The following LCT variants were observed in gnomAD, a reference collection of about 807,000 sequenced individuals.
The protein encoded by LCT is lactase/phlorizin hydrolase.
A neutral mutation model predicts 173.0 loss-of-function variants in LCT; 90 were observed. The ratio of observed to expected loss-of-function variants is 0.52; its 90% CI spans 0.44 to 0.62. The LOEUF is 0.62. Among genes scored for constraint, LCT ranks in the 20% least tolerant of loss-of-function variants. The pLI, the probability that LCT is intolerant of heterozygous loss-of-function variation, is 0.00. For synonymous variants in LCT, 853 were observed against 957.6 expected, an observed-to-expected ratio of 0.89 and a Z score of 2.02; for missense variants, 1,864 against 2,431.4, an observed-to-expected ratio of 0.77 and a Z score of 4.91.
At chr2:135,824,148 A>G (rs1389563238) in intron 3 of LCT, 145 bp from the exon 4 acceptor site, 5 of 694,612 alleles carry the variant, frequency 7.2e-6, no homozygotes, top group Non-Finnish European at 1.3e-5. Flanking sequence ...TAAAGGAGTC[A>G]ACTCTAGACT....
chr2:135,810,627 T>G (rs897692856), intron 7 of LCT, among the ~76,000 whole-genome samples: 2 of 152,230 alleles, frequency 1.3e-5, no homozygotes, highest in Admixed American at 6.5e-5. Context: ...TTGCTTTTCC[T>G]TGTTTATGTT....
chr2:135,788,472 T>G lies in LCT; in HGVS notation c.5636A>C (p.Glu1879Ala), dbSNP rs953611158. 1 of 1,613,546 alleles carries G rather than the reference T, an allele frequency of 6.2e-7. No homozygotes were observed. Among genetic ancestry groups the G allele is most frequent in the Non-Finnish European group, 8.5e-7 (1 of 1,179,992 alleles). Reference protein sequence around the residue: ...QFLGLMLGTTEAQTALYVLFS... With the variant: ...QFLGLMLGTTAAQTALYVLFS... ...GAGAACGTACAAAGCTGTCTGTGCT[T>G]CTGTGGTGCCGAGCATTAGCCCCAG... is the stretch of plus-strand genomic sequence containing the variant. The change falls in exon 17 of 17, where the codon GAA becomes GCA. Residue 1879 changes from glutamate to alanine, a missense_variant. Glu to Ala is a moderately radical substitution (Grantham distance 107). Transcript: ENST00000264162.
Position 135,808,642 on chromosome 2 carries a change from C to T in LCT, c.3705G>A (p.Glu1235=), listed in dbSNP as rs769624786. 1.2e-6 allele frequency: 2 copies of T among 1,614,110 alleles called. No homozygotes were observed. The highest frequency in any genetic ancestry group is 2.7e-5 in the African/African-American group (2 of 74,946). The change falls in exon 8 of 17, where the codon GAG becomes GAA. Residue 1235 remains glutamate, a synonymous_variant. Transcript: ENST00000264162. The part of the protein sequence containing the change: ...SYEDDQEMAE[E]EDPSWPSTAM... ...CCGTGGAAGGCCACGAAGGGTCCTC[C>T]TCCTCAGCCATCTCCTGGTCGTCTT...
chr2:135,799,337 T>C (rs567585116), intron 12 of LCT, among the ~76,000 whole-genome samples: 32 of 152,088 alleles, frequency 2.1e-4, no homozygotes, highest in Middle Eastern at 6.8e-3. Flanking sequence ...TGATGCAAAA[T>C]GTAGGAGAGA....
chr2:135,812,910 T>C lies in LCT; in HGVS notation c.1754A>G (p.Tyr585Cys). The C allele has an allele frequency of 6.2e-7, 1 of 1,614,228 alleles. No individual in the cohort carries two copies. The highest frequency in any genetic ancestry group is 1.7e-5 in the Admixed American group (1 of 60,020). Reference protein sequence around the residue: ...LKAHARTWHHYNSHHRPQQQG... With the variant: ...LKAHARTWHHCNSHHRPQQQG... ...CTGCTGTGGGCGATGATGGCTGTTG[T>C]AGTGGTGCCAAGTTCTGGCATGAGC... The change falls in exon 7 of 17, where the codon TAC (tyrosine) becomes TGC (cysteine). Residue 585 changes from tyrosine (Y) to cysteine (C), a missense_variant. By Grantham distance (194) the Tyr-to-Cys change is radical. Transcript: ENST00000264162.
chr2:135,817,227 A>T (rs2077787204), intron 6 of LCT, 114 bp downstream of exon 6: 2 of 1,310,444 alleles, frequency 1.5e-6, no homozygotes, highest in African/African-American at 1.5e-5. Flanking sequence ...GATTTCCTTT[A>T]AAGAAAGAAC....
At chr2:135,829,528 T>A (rs542993802) in intron 3 of LCT, 65 bp downstream of exon 3, 1 of 1,182,884 alleles carries the variant, frequency 8.5e-7, no homozygotes, top group Non-Finnish European at 1.3e-6. Flanking sequence ...AAGCATTAAA[T>A]GTCTAATCTG....
chr2:135,817,402 G>A lies in LCT; in HGVS notation c.1646C>T (p.Ala549Val). The change falls in exon 6 of 17, where the codon GCA (alanine) becomes GTA (valine). Residue 549 changes from alanine to valine, a missense_variant. Physicochemically the swap from Ala to Val is moderately conservative, Grantham distance 64. Around this residue, in one of 4 missense-constraint regions of LCT, gnomAD observed 183 missense variants for 293.1 expected, o/e 0.62. Transcript: ENST00000264162. ...TFHEPWVMSY[A>V]GYGTGQHPPG... ...AGGGTGCTGGCCGGTGCCATAGCCT[G>A]CGTAGCTCATCACCCACGGCTCATG... 1 of 1,614,162 alleles carries A rather than the reference G, an allele frequency of 6.2e-7. No homozygotes were observed. Among genetic ancestry groups the A allele is most frequent in the Non-Finnish European group, 8.5e-7 (1 of 1,180,014 alleles).
chr2:135,797,886 C>A (rs2077595060), intron 13 of LCT, 143 bp downstream of exon 13: 2 of 688,906 alleles, frequency 2.9e-6, no homozygotes, highest in Non-Finnish European at 5.3e-6. Flanking sequence ...TATAGCAGTG[C>A]CAGGTGCTGG....
Position 135,809,104 on chromosome 2 carries a change from T to C in LCT, c.3243A>G (p.Pro1081=), listed in dbSNP as rs754540350. 1 of 1,614,126 alleles carries C rather than the reference T, an allele frequency of 6.2e-7. No homozygotes were observed. Among genetic ancestry groups the C allele is most frequent in the Non-Finnish European group, 8.5e-7 (1 of 1,180,038 alleles). ...WLGYGSGEFP[P]GVKDPGWAPY... ...GTGCCCAGCCTGGGTCCTTCACCCC[T>C]GGGGGAAATTCCCCTGAGCCATAAC... Residue 1081 remains proline (P), a synonymous_variant, in exon 8 of 17, where the codon CCA becomes CCG. Coordinates refer to ENST00000264162, the MANE Select transcript of LCT (RefSeq NM_002299.4). The surrounding 1 kb of genome is among the most constrained non-coding windows in gnomAD (Gnocchi z 5.5).
At chr2:135,811,007 A>ACAGAGC (rs1376155479) in intron 7 of LCT, among the ~76,000 whole-genome samples, 1 of 151,600 alleles carries the variant, frequency 6.6e-6, no homozygotes, top group East Asian at 1.9e-4. Flanking sequence ...AGCCTCGGCG[A>ACAGAGC]CAGAGCCAGA....
chr2:135,789,328 G>A (rs2077516405), intron 16 of LCT, among the ~76,000 whole-genome samples: 1 of 152,252 alleles, frequency 6.6e-6, no homozygotes, highest in Non-Finnish European at 1.5e-5. Context: ...TGGAAGAAGA[G>A]TCTAGACCTG....
In LCT at chr2:135,794,506, G is replaced by A. The variant is rs544630625; in HGVS notation, c.5111+135C>T. On this transcript the variant is annotated intron_variant, in intron 14 of 16. Transcript: ENST00000264162. Reference sequence around the variant, plus strand: ...ATTTCCTTGGGATCTGTGGGGTGGCGAGCATCTTGCAAACCCCGGCACATT... The same window carrying A: ...ATTTCCTTGGGATCTGTGGGGTGGCAAGCATCTTGCAAACCCCGGCACATT... 26 of 919,706 alleles carry A rather than the reference G, an allele frequency of 2.8e-5. 1 individual carries two copies. Among genetic ancestry groups the A allele is most frequent in the African/African-American group, 2.8e-4 (17 of 61,260 alleles). 57.0% of individuals were successfully genotyped at this position (919,706 alleles called of 1,614,324 possible).
intron 5 of LCT, among the ~76,000 whole-genome samples, chr2:135,819,439 G>T (rs2077809723): frequency 6.6e-6 from 1 of 152,144 alleles, no homozygotes; most frequent in Non-Finnish European, 1.5e-5. Flanking sequence ...CTGGGGAAAA[G>T]GACGTGGAGT....
chr2:135,800,889 TC>T (rs763857344), intron 11 of LCT, 80 bp from the exon 12 acceptor site: 59 of 1,132,318 alleles, frequency 5.2e-5, no homozygotes, highest in Admixed American at 1.8e-5. Flanking sequence ...CCTGCAGATG[TC>T]CCCTCTGTGT....
In LCT at chr2:135,833,210, C is replaced by T. The variant is rs369498534; in HGVS notation, c.641-20G>A. 88 of 1,597,330 alleles carry T rather than the reference C, an allele frequency of 5.5e-5. No individual in the cohort carries two copies. In the Middle Eastern group the frequency reaches 1.5e-3, roughly 27 times the overall value. On this transcript the variant is annotated intron_variant, in intron 1 of 16. Transcript: ENST00000264162. ...TTCCGCCTGAAACCAACCAGAGACACGAACAGCAGGTGAGCGAGGGCAGGA... is the reference window on the plus strand; with the variant it reads ...TTCCGCCTGAAACCAACCAGAGACATGAACAGCAGGTGAGCGAGGGCAGGA...
intron 10 of LCT, 75 bp from the exon 11 acceptor site, chr2:135,804,203 C>G: frequency 8.8e-7 from 1 of 1,138,982 alleles, no homozygotes; most frequent in Non-Finnish European, 1.3e-6. Context: ...GTGCCAGCAT[C>G]AACGTCTGCT....
At chr2:135,799,705 C>T (rs2077609858) in intron 12 of LCT, among the ~76,000 whole-genome samples, 1 of 152,324 alleles carries the variant, frequency 6.6e-6, no homozygotes, top group Middle Eastern at 3.4e-3. Context: ...CTGCCTTAGC[C>T]TCCCAAAGTG....
intron 4 of LCT, chr2:135,822,422 C>A: frequency 3.0e-6 from 1 of 330,024 alleles, no homozygotes; most frequent in Non-Finnish European, 5.7e-6. Flanking sequence ...TTCTAATGAG[C>A]TCCCAGGTGA....
Sources: gnomAD v4.1 joint callset for allele counts (sites outside exome capture counted in the v4.1 genomes callset) on GRCh38, gnomAD v4.1.1 for gene constraint, gnomAD v4.1.1 regional missense constraint, Gnocchi (gnomAD v3.1) non-coding constraint, MANE v1.5 for transcripts, NCBI Gene and HGNC (gene_info 2026-07-23, HGNC 2026-07-21) for gene names.